ZRANB3: variants seen among roughly 807,000 people sequenced by gnomAD.
ZRANB3 encodes the protein DNA annealing helicase and endonuclease ZRANB3.
In ZRANB3, 125 loss-of-function variants were observed where a neutral mutation model predicts 133.8. That is an observed-to-expected ratio of 0.93 (90% CI 0.81 to 1.08). The LOEUF is 1.08. Among genes scored for constraint, ZRANB3 ranks in the 50% least tolerant of loss-of-function variants. ZRANB3 has a pLI of 0.00. For missense variants in ZRANB3, 1,229 were observed against 1,275.5 expected (o/e 0.96, Z 0.56); for synonymous variants, 387 against 432.7 (o/e 0.89, Z 1.31).
chr2:135,373,876 A>G (rs1686300179), intron 3 of ZRANB3, among the ~76,000 whole-genome samples: 1 of 148,724 alleles, frequency 6.7e-6, no homozygotes, highest in Non-Finnish European at 1.5e-5. Context: ...GAAAAAGAGC[A>G]AGAAAACTAA....
chr2:135,510,184 G>A (rs568074574), intron 1 of ZRANB3, among the ~76,000 whole-genome samples: 2 of 152,156 alleles, frequency 1.3e-5, no homozygotes, highest in East Asian at 1.9e-4. Flanking sequence ...TGAATGAAAC[G>A]TACCAAATGT....
At chr2:135,302,566 C>G (rs549707696) in intron 8 of ZRANB3, among the ~76,000 whole-genome samples, 1 of 151,302 alleles carries the variant, frequency 6.6e-6, no homozygotes, top group Admixed American at 6.6e-5. Context: ...CGCTCTGTCA[C>G]CCAGGTTGGA....
At chr2:135,270,138 ATACAGAGACAAATATAT>A (rs1465569641) in intron 10 of ZRANB3, among the ~76,000 whole-genome samples, 2 of 152,244 alleles carry the variant, frequency 1.3e-5, no homozygotes, top group East Asian at 3.8e-4. Flanking sequence ...GGTAATAAAA[ATACAGAGACAAATATAT>A]TAAACTGTAC....
intron 3 of ZRANB3, among the ~76,000 whole-genome samples, chr2:135,361,916 C>T (rs1026627783): frequency 1.3e-5 from 2 of 151,922 alleles, no homozygotes; most frequent in African/African-American, 2.4e-5. Context: ...TGTGTGTGTA[C>T]GGCCGGGCAC....
At chr2:135,333,331 G>A (rs1684235443) in intron 6 of ZRANB3, among the ~76,000 whole-genome samples, 1 of 151,872 alleles carries the variant, frequency 6.6e-6, no homozygotes, top group Non-Finnish European at 1.5e-5. Context: ...CAACCATAAT[G>A]TATACCATTT....
rs2104944114 is a variant in ZRANB3 at position 135,404,545 on chromosome 2, G to C, written c.162-13725C>G. Among the ~76,000 whole-genome samples, 2 of 152,300 alleles carry C rather than the reference G, an allele frequency of 1.3e-5. 1 individual carries two copies. The highest frequency in any genetic ancestry group is 1.3e-4 in the Admixed American group (2 of 15,286). The stretch of plus-strand genomic sequence containing the variant: ...ACACTCTGCAGGATATTATCCAGGA[G>C]AACTTCCCCAAACTAGCAAGTCAGG... On this transcript the variant is annotated intron_variant, in intron 2 of 20. Coordinates refer to ENST00000264159, the MANE Select transcript of ZRANB3 (RefSeq NM_032143.4).
chr2:135,374,791 C>T (rs1177823535), intron 3 of ZRANB3, among the ~76,000 whole-genome samples: 9 of 151,934 alleles, frequency 5.9e-5, no homozygotes, highest in African/African-American at 1.7e-4. Flanking sequence ...AGTGAGCCAC[C>T]GTGCCCGACC....
intron 8 of ZRANB3, among the ~76,000 whole-genome samples, chr2:135,294,398 A>T (rs1681924861): frequency 6.6e-6 from 1 of 152,154 alleles, no homozygotes; most frequent in African/African-American, 2.4e-5. Flanking sequence ...TGTTTATAGT[A>T]TTCTCTGATG....
At chr2:135,495,079 T>C (rs565495622) in intron 2 of ZRANB3, among the ~76,000 whole-genome samples, 1 of 152,038 alleles carries the variant, frequency 6.6e-6, no homozygotes, top group South Asian at 2.1e-4. Context: ...TATAAAAAAA[T>C]ACACTGGGCA....
At chr2:135,306,284 AT>A (rs146132259) in intron 8 of ZRANB3, among the ~76,000 whole-genome samples, 22,233 of 123,792 alleles carry the variant, frequency 0.18, 2,140 homozygotes, top group African/African-American at 0.33. Flanking sequence ...CATCTGACTG[AT>A]TTTTTTTTTT....
chr2:135,505,931 G>C (rs1024570552), intron 1 of ZRANB3, among the ~76,000 whole-genome samples: 1 of 152,140 alleles, frequency 6.6e-6, no homozygotes, highest in Non-Finnish European at 1.5e-5. Context: ...ACTTTAGGTA[G>C]GCTGACCAAG....
chr2:135,407,233 A>G lies in ZRANB3; in HGVS notation c.162-16413T>C, dbSNP rs1212380734. On this transcript the variant is annotated intron_variant, in intron 2 of 20. Transcript: ENST00000264159. ...AACTCCCATTCACAATTGCTTCAATAAGAATAAAATACCTAGGAATCCAAC... is the reference window on the plus strand; with the variant it reads ...AACTCCCATTCACAATTGCTTCAATGAGAATAAAATACCTAGGAATCCAAC... Among the ~76,000 whole-genome samples the G allele has an allele frequency of 3.3e-4, 50 of 151,622 alleles. No homozygotes were observed. The East Asian group carries it at 3.9e-3, about 12-fold the overall frequency.
chr2:135,320,269 C>A (rs1167528560), intron 6 of ZRANB3, among the ~76,000 whole-genome samples: 1 of 152,084 alleles, frequency 6.6e-6, no homozygotes, highest in African/African-American at 2.4e-5. Context: ...AATTATCAAA[C>A]AAATTTGTAA....
intron 2 of ZRANB3, among the ~76,000 whole-genome samples, chr2:135,499,802 T>C (rs898839519): frequency 5.9e-5 from 9 of 152,192 alleles, no homozygotes; most frequent in Admixed American, 5.2e-4. Flanking sequence ...AGCAGTGGTA[T>C]GGTTTGTATT....
chr2:135,268,714 C>T (rs1680365668), intron 11 of ZRANB3, among the ~76,000 whole-genome samples: 1 of 152,104 alleles, frequency 6.6e-6, no homozygotes, highest in Non-Finnish European at 1.5e-5. Context: ...CATCATTGTA[C>T]CTCTAAAGTA....
chr2:135,480,134 G>C (rs1387452755), intron 2 of ZRANB3, among the ~76,000 whole-genome samples: 1 of 151,274 alleles, frequency 6.6e-6, no homozygotes, highest in Non-Finnish European at 1.5e-5. Flanking sequence ...AGTAGAGATG[G>C]GGTTTCACTG....
chr2:135,327,259 T>C (rs1319899107), intron 6 of ZRANB3, among the ~76,000 whole-genome samples: 31 of 152,212 alleles, frequency 2.0e-4, no homozygotes, highest in Admixed American at 2.0e-3. Context: ...GACAGCTTTC[T>C]GCCATGCCTA....
chr2:135,530,842 A>G (rs1574277022), intron 1 of ZRANB3: 1 of 152,112 alleles, frequency 6.6e-6, no homozygotes. Context: ...AGGAACTACA[A>G]TTCCAGCCAA....
Position 135,265,562 on chromosome 2 carries a change from T to C in ZRANB3, c.1511A>G (p.Glu504Gly). ...AGTGAACAAAGCTTCCTTCCTTAAC[T>C]CTTCAGAACTGTCATTTGGAGTCCA... ...EAWTPNDSSE[E>G]LRKEALFTHF... is the part of the protein sequence containing the mutation. The change falls in exon 12 of 21, where the codon GAG becomes GGG. Residue 504 changes from glutamate (E) to glycine (G), a missense_variant. Transcript: ENST00000264159. 1 of 1,613,400 alleles carries C rather than the reference T, an allele frequency of 6.2e-7. No homozygotes were observed. Among genetic ancestry groups the C allele is most frequent in the Non-Finnish European group, 8.5e-7 (1 of 1,179,696 alleles).
Sources: gnomAD v4.1 joint callset for allele counts (sites outside exome capture counted in the v4.1 genomes callset) on GRCh38, gnomAD v4.1.1 for gene constraint, MANE v1.5 for transcripts, NCBI Gene and HGNC (gene_info 2026-07-23, HGNC 2026-07-21) for gene names.